MYBPHL: variants seen among roughly 807,000 people sequenced by gnomAD.
MYBPHL encodes the protein myosin-binding protein H-like.
In MYBPHL, 32 loss-of-function variants were observed where a neutral mutation model predicts 39.5. The ratio of observed to expected loss-of-function variants is 0.81; its 90% CI spans 0.61 to 1.09. The LOEUF is 1.09. Ranked by LOEUF, MYBPHL falls within the 50% of genes least tolerant of loss-of-function variation. The probability of loss-of-function intolerance (pLI) is 0.00; values close to 1 mark genes in which losing one functional copy is unlikely to be tolerated. For missense variants in MYBPHL, 456 were observed against 460.2 expected (o/e 0.99, Z 0.08); for synonymous variants, 196 against 183.7 (o/e 1.07, Z -0.54).
At chr1:109,298,067 G>T in intron 2 of MYBPHL, 102 bp downstream of exon 2, 1 of 992,460 alleles carries the variant, frequency 1.0e-6, no homozygotes, top group Non-Finnish European at 1.5e-6. Flanking sequence ...TCCAAGGCTG[G>T]GAAGATTGCC....
intron 1 of MYBPHL, among the ~76,000 whole-genome samples, chr1:109,303,256 C>T (rs1311130935): frequency 2.0e-5 from 3 of 152,112 alleles, no homozygotes; most frequent in Admixed American, 6.5e-5. Context: ...ATTGTCCTAC[C>T]ACCCTCTCAC....
chr1:109,298,070 A>G (rs1052152062), intron 2 of MYBPHL, 99 bp downstream of exon 2: 1 of 1,003,886 alleles, frequency 1.0e-6, no homozygotes, highest in Non-Finnish European at 1.5e-6. Context: ...AAGGCTGGGA[A>G]GATTGCCCCT....
chr1:109,301,389 T>A (rs557164949), intron 1 of MYBPHL, among the ~76,000 whole-genome samples: 1 of 152,338 alleles, frequency 6.6e-6, no homozygotes, highest in East Asian at 1.9e-4. Context: ...AGGCTCTCTC[T>A]GTACAATGTT....
At chr1:109,304,821 T>C (rs921769441) in intron 1 of MYBPHL, among the ~76,000 whole-genome samples, 3 of 152,240 alleles carry the variant, frequency 2.0e-5, no homozygotes, top group East Asian at 1.9e-4. Context: ...TATTTAGCCA[T>C]GTAGCAGGCT....
intron 8 of MYBPHL, among the ~76,000 whole-genome samples, chr1:109,293,840 A>G (rs1764833): frequency 0.63 from 95,829 of 151,908 alleles, 30,486 homozygotes; most frequent in African/African-American, 0.68. Flanking sequence ...GAGGTGAGTG[A>G]ATCACTTGAG....
chr1:109,295,624 C>A (rs1028885372), intron 6 of MYBPHL, among the ~76,000 whole-genome samples: 4 of 152,258 alleles, frequency 2.6e-5, no homozygotes, highest in Non-Finnish European at 5.9e-5. Context: ...TCTTGTGAAC[C>A]ATCCATATTC....
chr1:109,301,175 T>C (rs1006274553), intron 1 of MYBPHL, among the ~76,000 whole-genome samples: 1 of 152,230 alleles, frequency 6.6e-6, no homozygotes, highest in Non-Finnish European at 1.5e-5. Context: ...TGTACTGACC[T>C]TGGGGAGGCA....
intron 8 of MYBPHL, among the ~76,000 whole-genome samples, chr1:109,293,633 T>C (rs995313254): frequency 6.6e-6 from 1 of 150,596 alleles, no homozygotes; most frequent in African/African-American, 2.4e-5. Flanking sequence ...CCAGCTACTC[T>C]GGAGGCTGAG....
At chr1:109,295,088 A>G in intron 7 of MYBPHL, 23 bp downstream of exon 7, 1 of 1,609,888 alleles carries the variant, frequency 6.2e-7, no homozygotes, top group South Asian at 1.1e-5. Context: ...ACCCTAAGGC[A>G]CTAGTTCTCC....
rs17036114 is a variant in MYBPHL at position 109,294,170 on chromosome 1, G to C, written c.*33+36C>G. ...CAACAACACTAGCCATAAACAGGAA[G>C]TAATCCAGTGAGACATCTTGCCTCT... is the stretch of plus-strand genomic sequence containing the variant. On this transcript the variant is annotated intron_variant, in intron 8 of 8. Transcript: ENST00000357155. 6,902 of 1,351,274 alleles carry C rather than the reference G, an allele frequency of 5.1e-3. 244 individuals carry two copies. In the African/African-American group the frequency reaches 0.08, roughly 16 times the overall value. The allele number at this position is 1,351,274 out of a possible 1,614,324, so 83.7% of individuals were successfully genotyped here. A position where few individuals can be genotyped will look rare whatever the true frequency, so the allele number is the denominator to read the frequency against.
At position 109,295,160 on chromosome 1, in the gene MYBPHL, C is replaced by T. The variant is rs143775568; in HGVS notation, c.1005G>A (p.Ala335=). 7.1e-5 allele frequency: 114 copies of T among 1,613,998 alleles called. 1 individual carries two copies. The highest frequency in any genetic ancestry group is 5.1e-4 in the East Asian group (23 of 44,876). ...CAGATGCCTCCCCTAGGGGGTTCACCGCCTTGCAGGTATAGATGCCTCCAT... is the reference window on the plus strand; with the variant it reads ...CAGATGCCTCCCCTAGGGGGTTCACTGCCTTGCAGGTATAGATGCCTCCAT... The part of the protein sequence containing the change: ...PFDGGIYTCK[A]VNPLGEASVD... The change falls in exon 7 of 9, where the codon GCG becomes GCA. Residue 335 remains alanine, a synonymous_variant. Coordinates refer to ENST00000357155, the MANE Select transcript of MYBPHL (RefSeq NM_001010985.3).
At position 109,306,874 on chromosome 1, in the gene MYBPHL, TG is replaced by T; in HGVS notation, c.117del (p.Thr40LeufsTer8). 6.3e-7 allele frequency: 1 copy of T among 1,597,558 alleles called. No homozygotes were observed. Among genetic ancestry groups the T allele is most frequent in the Non-Finnish European group, 8.5e-7 (1 of 1,173,222 alleles). The part of the protein sequence containing the change: ...QASPGQGAGS[P>X]TPQLLPPIEE... ...TCTATAGGGGGCAGGAGCTGGGGAG[TG>T]GGGCTGCCAGCCCCCTGTCCAGGTG... On this transcript the variant is annotated frameshift_variant, in exon 1 of 9. Coordinates refer to ENST00000357155, the MANE Select transcript of MYBPHL (RefSeq NM_001010985.3). LOFTEE classifies it high-confidence loss of function.
At chr1:109,305,877 C>T (rs1228508829) in intron 1 of MYBPHL, among the ~76,000 whole-genome samples, 1 of 152,188 alleles carries the variant, frequency 6.6e-6, no homozygotes, top group African/African-American at 2.4e-5. Flanking sequence ...TTGGCCTCTT[C>T]CAAGGCACCC....
intron 1 of MYBPHL, among the ~76,000 whole-genome samples, chr1:109,303,123 G>A (rs949175748): frequency 6.6e-6 from 1 of 152,170 alleles, no homozygotes; most frequent in African/African-American, 2.4e-5. Flanking sequence ...ATAGATGTAT[G>A]TCATTCCTGA....
At chr1:109,298,340 G>GACT (rs1181939912) in intron 1 of MYBPHL, 83 bp from the exon 2 acceptor site, 3 of 1,263,994 alleles carry the variant, frequency 2.4e-6, no homozygotes, top group Non-Finnish European at 1.1e-6. Flanking sequence ...GTGGGTGAGT[G>GACT]GCCCAGGAAT....
intron 1 of MYBPHL, among the ~76,000 whole-genome samples, chr1:109,301,889 A>G (rs1658297055): frequency 6.6e-6 from 1 of 152,220 alleles, no homozygotes; most frequent in South Asian, 2.1e-4. Context: ...CTATCCTCTC[A>G]TAATTCCCTT....
Position 109,292,560 on chromosome 1 carries a change from C to G in MYBPHL, c.*62G>C, listed in dbSNP as rs1033002213. 1 of 152,218 alleles carries G rather than the reference C, an allele frequency of 6.6e-6. No individual in the cohort carries two copies. The highest frequency in any genetic ancestry group is 2.4e-5 in the African/African-American group (1 of 41,428). The allele number at this position is 152,218 out of a possible 1,614,324, so 9.4% of individuals were successfully genotyped here. A position where few individuals can be genotyped will look rare whatever the true frequency, so the allele number is the denominator to read the frequency against. ...TTGTCACGGTCCCTGGCTCCTGTGC[C>G]ATGAATTCACTTCATTGCTGGGCAC... On this transcript the variant is annotated 3_prime_UTR_variant, in exon 9 of 9. Transcript: ENST00000357155.
rs1445345828 is a variant in MYBPHL at position 109,292,542 on chromosome 1, G to A, written c.*80C>T. The A allele has an allele frequency of 6.6e-6, 1 of 152,208 alleles. No homozygotes were observed. Among genetic ancestry groups the A allele is most frequent in the Non-Finnish European group, 1.5e-5 (1 of 68,048 alleles). 9.4% of individuals were successfully genotyped at this position (152,208 alleles called of 1,614,324 possible). On this transcript the variant is annotated 3_prime_UTR_variant, in exon 9 of 9. Coordinates refer to ENST00000357155, the MANE Select transcript of MYBPHL (RefSeq NM_001010985.3). Reference sequence around the variant, plus strand: ...AGGCTGCTGAGGGCACCGTTGTCACGGTCCCTGGCTCCTGTGCCATGAATT... The same window carrying A: ...AGGCTGCTGAGGGCACCGTTGTCACAGTCCCTGGCTCCTGTGCCATGAATT...
chr1:109,296,576 G>T (rs556714624), intron 5 of MYBPHL, among the ~76,000 whole-genome samples: 3 of 151,924 alleles, frequency 2.0e-5, no homozygotes, highest in Non-Finnish European at 4.4e-5. Flanking sequence ...GTAGCTGGGA[G>T]TACAGGCGTG....
Sources: allele counts gnomAD v4.1 joint callset (sites outside exome capture counted in the v4.1 genomes callset), GRCh38; gene constraint gnomAD v4.1.1; transcripts MANE v1.5; gene names NCBI Gene and HGNC (gene_info 2026-07-23, HGNC 2026-07-21).